Variants in LSM1 observed in about 807,000 individuals in gnomAD.
The protein encoded by LSM1 is LSM1 homolog, mRNA degradation associated.
LSM1 carries 13 observed loss-of-function variants against 18.0 expected under a neutral mutation model. The ratio of observed to expected loss-of-function variants is 0.72; its 90% confidence interval spans 0.47 to 1.15. The LOEUF is 1.15. Among genes scored for constraint, LSM1 ranks in the 50% most tolerant of loss-of-function variants. The pLI, the probability that LSM1 is intolerant of heterozygous loss-of-function variation, is 0.00. For missense variants in LSM1, 152 were observed against 157.7 expected, an observed-to-expected ratio of 0.96 and a Z score of 0.19; for synonymous variants, 46 against 56.0, an observed-to-expected ratio of 0.82 and a Z score of 0.80.
chr8:38,172,128 G>T (rs748242005), intron 1 of LSM1, 95 bp from the exon 2 acceptor site: 11 of 838,156 alleles, frequency 1.3e-5, no homozygotes, highest in Non-Finnish European at 2.2e-5. Flanking sequence ...CCACTTCCTC[G>T]GCCAATGCAT....
At chr8:38,172,185 G>A (rs749163789) in intron 1 of LSM1, 152 bp from the exon 2 acceptor site, 26 of 592,004 alleles carry the variant, frequency 4.4e-5, no homozygotes, top group Non-Finnish European at 6.7e-5. Flanking sequence ...AAGCAGCACA[G>A]CAACGCGGAT....
chr8:38,164,592 T>C (rs1209122770), intron 3 of LSM1, among the ~76,000 whole-genome samples: 3 of 148,516 alleles, frequency 2.0e-5, no homozygotes, highest in Non-Finnish European at 4.5e-5. Flanking sequence ...GAGGCTGAGG[T>C]GGGAGGATCA....
chr8:38,167,062 C>T (rs893531720), intron 3 of LSM1, among the ~76,000 whole-genome samples: 1 of 152,152 alleles, frequency 6.6e-6, no homozygotes, highest in Non-Finnish European at 1.5e-5. Context: ...ATAATTTCTC[C>T]TGATTGCTGA....
At chr8:38,175,303 G>A (rs1405703598) in intron 1 of LSM1, among the ~76,000 whole-genome samples, 2 of 151,922 alleles carry the variant, frequency 1.3e-5, no homozygotes, top group South Asian at 2.1e-4. Flanking sequence ...CCCGACCTCA[G>A]GCGATCTGCC....
chr8:38,173,168 C>T (rs1180999665), intron 1 of LSM1, among the ~76,000 whole-genome samples: 2 of 152,152 alleles, frequency 1.3e-5, no homozygotes, highest in South Asian at 2.1e-4. Context: ...GCCTAAAGTA[C>T]TTTCTAGATG....
intron 1 of LSM1, among the ~76,000 whole-genome samples, chr8:38,173,661 A>G (rs1405468210): frequency 6.6e-6 from 1 of 152,222 alleles, no homozygotes; most frequent in East Asian, 1.9e-4. Flanking sequence ...CTATTTACCA[A>G]GAGTTGGGAA....
chr8:38,171,672 C>G (rs1162897987), intron 2 of LSM1, among the ~76,000 whole-genome samples: 2 of 152,150 alleles, frequency 1.3e-5, no homozygotes, highest in South Asian at 4.2e-4. Context: ...AAACAAAAAA[C>G]AAAACAAAAC....
intron 1 of LSM1, among the ~76,000 whole-genome samples, chr8:38,173,865 C>T (rs1218675007): frequency 6.6e-6 from 1 of 152,078 alleles, no homozygotes; most frequent in Admixed American, 6.6e-5. Flanking sequence ...AGGAGATCTA[C>T]TAAAGATTTA....
At chr8:38,175,082 A>AT (rs757848283) in intron 1 of LSM1, among the ~76,000 whole-genome samples, 22,114 of 125,160 alleles carry the variant, frequency 0.18, 2,536 homozygotes, top group East Asian at 0.29. Flanking sequence ...CCATAAAATG[A>AT]TTTTTTTTTT....
In LSM1 at chr8:38,163,403, A is replaced by C; in HGVS notation, c.*267T>G. 1 of 320,046 alleles carries C rather than the reference A, an allele frequency of 3.1e-6. No individual in the cohort carries two copies. 19.8% of individuals were successfully genotyped at this position (320,046 alleles called of 1,614,324 possible). A position where few individuals can be genotyped will look rare whatever the true frequency, so the allele number is the denominator to read the frequency against. On this transcript the variant is annotated 3_prime_UTR_variant, in exon 4 of 4. Coordinates refer to ENST00000311351, the MANE Select transcript of LSM1 (RefSeq NM_014462.3). ...GTCCCTGTAAACTCTAATTTGGGAT[A>C]TGAAGAACAATATAAAGAAGTAGTT...
chr8:38,163,665 A>G lies in LSM1; in HGVS notation c.*5T>C. On this transcript the variant is annotated 3_prime_UTR_variant, in exon 4 of 4. Transcript: ENST00000311351. ...TTCAAGAGCCAACAGCCTCTGGGCA[A>G]AAGATTAGTACTCATCAAGAGTATC... The G allele has an allele frequency of 1.2e-6, 2 of 1,611,010 alleles. No individual in the cohort carries two copies. The highest frequency in any genetic ancestry group is 1.7e-6 in the Non-Finnish European group (2 of 1,178,210).
rs1802882474 is a variant in LSM1, at chr8:38,163,849, G to GAGAC, written c.232-13_232-10dup. The GAGAC allele has an allele frequency of 1.9e-6, 3 of 1,613,640 alleles. No homozygotes were observed. In the Admixed American group the frequency reaches 5.0e-5, roughly 27 times the overall value. ...CTCTCCTTTTCCAAGTCCTACAAAA[G>GAGAC]AGACAGGTTTGAAAACTTCACCTGA... On this transcript the variant is annotated splice_polypyrimidine_tract_variant and intron_variant, in intron 3 of 3. Coordinates refer to ENST00000311351, the MANE Select transcript of LSM1 (RefSeq NM_014462.3).
In LSM1 at chr8:38,169,756, T is replaced by C. The variant is rs1423086082; in HGVS notation, c.231+46A>G. 9.9e-6 allele frequency: 11 copies of C among 1,113,360 alleles called. No individual in the cohort carries two copies. The East Asian group carries it at 2.4e-4, about 24-fold the overall frequency. The allele number at this position is 1,113,360 out of a possible 1,614,324, so 69.0% of individuals were successfully genotyped here. A position where few individuals can be genotyped will look rare whatever the true frequency, so the allele number is the denominator to read the frequency against. ...GAAAAGACAAAAAAAGAAGTCTAAC[T>C]AGCATGAATATGAAGATCTACAGCA... On this transcript the variant is annotated intron_variant, in intron 3 of 3. Coordinates refer to ENST00000311351, the MANE Select transcript of LSM1 (RefSeq NM_014462.3).
chr8:38,169,492 T>G (rs1272912570), intron 3 of LSM1, among the ~76,000 whole-genome samples: 1 of 152,218 alleles, frequency 6.6e-6, no homozygotes. Flanking sequence ...CTTTATGCCA[T>G]GAAAAACCAC....
At chr8:38,166,100 G>T (rs1038006534) in intron 3 of LSM1, 2 of 152,340 alleles carry the variant, frequency 1.3e-5, no homozygotes, top group South Asian at 4.1e-4. Context: ...TTTAGTAGAT[G>T]TGCTGCCAAT....
At chr8:38,167,455 A>T (rs1478240817) in intron 3 of LSM1, among the ~76,000 whole-genome samples, 1 of 151,968 alleles carries the variant, frequency 6.6e-6, no homozygotes, top group Non-Finnish European at 1.5e-5. Context: ...TGAATCTCCC[A>T]CCTCAGCCTC....
At chr8:38,170,202 G>A (rs1366490521) in intron 2 of LSM1, among the ~76,000 whole-genome samples, 1 of 152,040 alleles carries the variant, frequency 6.6e-6, no homozygotes, top group Non-Finnish European at 1.5e-5. Context: ...CACCACTCCC[G>A]GCTAATTCTG....
intron 3 of LSM1, among the ~76,000 whole-genome samples, chr8:38,165,504 T>C (rs971469245): frequency 6.6e-6 from 1 of 151,758 alleles, no homozygotes; most frequent in African/African-American, 2.4e-5. Context: ...ATAATATCCC[T>C]ACAATTTTTC....
At position 38,176,086 on chromosome 8, in the gene LSM1, C is replaced by T. The variant is rs534737576; in HGVS notation, c.46+189G>A. The T allele has an allele frequency of 2.2e-4, 112 of 499,940 alleles. 1 individual carries two copies. Among genetic ancestry groups the T allele is most frequent in the Admixed American group, 8.3e-4 (22 of 26,666 alleles). 31.0% of individuals were successfully genotyped at this position (499,940 alleles called of 1,614,324 possible). On this transcript the variant is annotated intron_variant, in intron 1 of 3. Transcript: ENST00000311351. The stretch of plus-strand genomic sequence containing the variant: ...CGGAGGCTGCGAGGGGCAGAAGTAG[C>T]AGCAGGCTACTGGGTGGGCAAGCGG...
Sources: gnomAD v4.1 joint callset for allele counts (sites outside exome capture counted in the v4.1 genomes callset) on GRCh38, gnomAD v4.1.1 for gene constraint, MANE v1.5 for transcripts, NCBI Gene and HGNC (gene_info 2026-07-23, HGNC 2026-07-21) for gene names.